The following CRY1 variants were observed in gnomAD, a reference collection of about 807,000 sequenced individuals.
The protein encoded by CRY1 is cryptochrome-1.
A neutral mutation model predicts 76.0 loss-of-function variants in CRY1; 45 were observed. That is an observed-to-expected ratio of 0.59 (90% CI 0.47 to 0.76). The LOEUF is 0.76. Ranked by LOEUF, CRY1 falls within the 30% of genes least tolerant of loss-of-function variation. The pLI, the probability that CRY1 is intolerant of heterozygous loss-of-function variation, is 0.00. For synonymous variants in CRY1, 248 were observed against 244.0 expected (o/e 1.02, Z -0.15); for missense variants, 587 against 716.4 (o/e 0.82, Z 2.06).
chr12:107,048,642 G>C (rs1952877085), intron 1 of CRY1, among the ~76,000 whole-genome samples: 1 of 151,970 alleles, frequency 6.6e-6, no homozygotes, highest in African/African-American at 2.4e-5. Flanking sequence ...TTTGAATCTG[G>C]CTATTTCTTC....
intron 1 of CRY1, among the ~76,000 whole-genome samples, chr12:107,067,013 T>C (rs1953120499): frequency 6.6e-6 from 1 of 152,126 alleles, no homozygotes; most frequent in Non-Finnish European, 1.5e-5. Context: ...TCTCACTATG[T>C]TGCCCAGGCT....
chr12:107,036,414 T>G (rs935527474), intron 1 of CRY1, among the ~76,000 whole-genome samples: 1 of 152,150 alleles, frequency 6.6e-6, no homozygotes, highest in Non-Finnish European at 1.5e-5. Flanking sequence ...GTTCAATTCT[T>G]CATCATTTCT....
chr12:107,066,413 A>C (rs1953111708), intron 1 of CRY1, among the ~76,000 whole-genome samples: 1 of 152,088 alleles, frequency 6.6e-6, no homozygotes, highest in Admixed American at 6.6e-5. Flanking sequence ...AATGATTTAC[A>C]TAATGTTTAA....
Position 107,093,320 on chromosome 12 carries a change from G to A in CRY1, c.-359C>T, listed in dbSNP as rs941452212. ...CACGACGGCCCGAGCCGGCACGGAC[G>A]GCCCCAGGAGATTCGTCACGGAAAC... On this transcript the variant is annotated 5_prime_UTR_variant, in exon 1 of 13. Coordinates refer to ENST00000008527, the MANE Select transcript of CRY1 (RefSeq NM_004075.5). The A allele has an allele frequency of 9.2e-6, 2 of 217,064 alleles. No individual in the cohort carries two copies. Among genetic ancestry groups the A allele is most frequent in the South Asian group, 1.4e-4 (1 of 7,024 alleles). The allele number at this position is 217,064 out of a possible 1,614,324, so 13.4% of individuals were successfully genotyped here. A position where few individuals can be genotyped will look rare whatever the true frequency, so the allele number is the denominator to read the frequency against.
At chr12:107,009,751 C>A (rs1952422522) in intron 2 of CRY1, among the ~76,000 whole-genome samples, 1 of 150,244 alleles carries the variant, frequency 6.7e-6, no homozygotes, top group African/African-American at 2.4e-5. Flanking sequence ...AGTGTCTTTA[C>A]AAAAAAAACT....
Position 107,066,003 on chromosome 12 carries a change from T to C in CRY1, c.158+26801A>G, listed in dbSNP as rs1313806148. ...GGTTGACAAGCACAGTCTATGACTA[T>C]GTTGCTAAATAAGTCTAATTCAAAA... On this transcript the variant is annotated intron_variant, in intron 1 of 12. Coordinates refer to ENST00000008527, the MANE Select transcript of CRY1 (RefSeq NM_004075.5). 4.6e-5 allele frequency among the ~76,000 whole-genome samples: 7 copies of C among 152,326 alleles called. No homozygotes were observed. In the East Asian group the frequency reaches 1.3e-3, roughly 29 times the overall value.
chr12:107,069,604 A>G (rs1393231879), intron 1 of CRY1, among the ~76,000 whole-genome samples: 2 of 40,324 alleles, frequency 5.0e-5, no homozygotes, highest in Non-Finnish European at 1.6e-4. Flanking sequence ...TATATAAAGT[A>G]TATATATAAA....
chr12:107,052,047 G>C (rs1035224027), intron 1 of CRY1, among the ~76,000 whole-genome samples: 1 of 152,040 alleles, frequency 6.6e-6, no homozygotes, highest in African/African-American at 2.4e-5. Context: ...TGATTTTTCT[G>C]ACCTATGATA....
intron 12 of CRY1, 83 bp downstream of exon 12, chr12:106,992,704 A>C (rs1952191623): frequency 5.8e-6 from 7 of 1,198,414 alleles, no homozygotes; most frequent in Non-Finnish European, 8.3e-6. Context: ...GAAAATAGAG[A>C]TTTGCTCCAT....
Position 107,022,160 on chromosome 12 carries a change from G to T in CRY1, c.191C>A (p.Ala64Asp), listed in dbSNP as rs1336535617. The T allele has an allele frequency of 6.2e-7, 1 of 1,601,432 alleles. No homozygotes were observed. Among genetic ancestry groups the T allele is most frequent in the Non-Finnish European group, 8.5e-7 (1 of 1,173,518 alleles). The change falls in exon 2 of 13, where the codon GCC becomes GAC. Residue 64 changes from alanine to aspartate, a missense_variant. Coordinates refer to ENST00000008527, the MANE Select transcript of CRY1 (RefSeq NM_004075.5). ...ACGGGAGTTTAATTTTCGTAGATTG[G>T]CATCAAGATCCTCAAGACACTGAAG... ...FLLQCLEDLD[A>D]NLRKLNSRLF...
intron 1 of CRY1, among the ~76,000 whole-genome samples, chr12:107,091,578 A>G (rs1489371539): frequency 1.3e-5 from 2 of 152,198 alleles, no homozygotes; most frequent in African/African-American, 4.8e-5. Context: ...CTTATGTCAG[A>G]TCACATTACT....
intron 1 of CRY1, among the ~76,000 whole-genome samples, chr12:107,071,076 C>A (rs1056867271): frequency 8.6e-5 from 13 of 151,972 alleles, no homozygotes; most frequent in Non-Finnish European, 1.8e-4. Flanking sequence ...TAATATTGTC[C>A]TAAAAACAGC....
chr12:107,093,207 G>A lies in CRY1; in HGVS notation c.-246C>T. 2 of 438,472 alleles carry A rather than the reference G, an allele frequency of 4.6e-6. No individual in the cohort carries two copies. The highest frequency in any genetic ancestry group is 7.9e-6 in the Non-Finnish European group (2 of 251,798). The allele number at this position is 438,472 out of a possible 1,614,324, so 27.2% of individuals were successfully genotyped here. ...CGGGTGTGACGCCCTTTAGGAGCCCGCGCCCGCCGCAACCGCCTGGAGGCG... is the reference window on the plus strand; with the variant it reads ...CGGGTGTGACGCCCTTTAGGAGCCCACGCCCGCCGCAACCGCCTGGAGGCG... On this transcript the variant is annotated 5_prime_UTR_variant, in exon 1 of 13. Coordinates refer to ENST00000008527, the MANE Select transcript of CRY1 (RefSeq NM_004075.5).
intron 1 of CRY1, among the ~76,000 whole-genome samples, chr12:107,069,724 T>G (rs1254151445): frequency 6.9e-6 from 1 of 145,552 alleles, no homozygotes; most frequent in Admixed American, 7.0e-5. Flanking sequence ...ATATAAAGTA[T>G]ATATGTAATA....
At chr12:107,079,206 C>T (rs988288306) in intron 1 of CRY1, among the ~76,000 whole-genome samples, 3 of 152,146 alleles carry the variant, frequency 2.0e-5, no homozygotes, top group Non-Finnish European at 2.9e-5. Context: ...TCAGCTAAGA[C>T]AATCATAAAC....
intron 1 of CRY1, among the ~76,000 whole-genome samples, chr12:107,028,929 T>C (rs373097867): frequency 1.3e-5 from 2 of 152,216 alleles, no homozygotes; most frequent in Admixed American, 6.5e-5. Context: ...TCAGTGTATA[T>C]TAAAATTGTG....
At chr12:106,996,920 A>G (rs1952238666) in intron 10 of CRY1, among the ~76,000 whole-genome samples, 1 of 152,228 alleles carries the variant, frequency 6.6e-6, no homozygotes, top group Non-Finnish European at 1.5e-5. Context: ...TCTTTTGGCC[A>G]TGTTCACAGG....
intron 1 of CRY1, among the ~76,000 whole-genome samples, chr12:107,046,991 A>C (rs1337753205): frequency 6.6e-6 from 1 of 152,138 alleles, no homozygotes; most frequent in Non-Finnish European, 1.5e-5. Flanking sequence ...ATCAACAAAG[A>C]AACACTGGAC....
rs1319515875 is a variant in CRY1 at position 106,997,659 on chromosome 12, C to T, written c.1321G>A (p.Ala441Thr). Residue 441 changes from alanine (A) to threonine (T), a missense_variant, in exon 9 of 13, where the codon GCA becomes ACA. Ala to Thr is a moderately conservative substitution (Grantham distance 58). Coordinates refer to ENST00000008527, the MANE Select transcript of CRY1 (RefSeq NM_004075.5). Reference protein sequence around the residue: ...RYLPVLRGFPAKYIYDPWNAP... With the variant: ...RYLPVLRGFPTKYIYDPWNAP... ...TTCCAGGGATCATAGATATATTTTG[C>T]AGGGAAGCCTCTTAGGACAGGCAAA... The T allele has an allele frequency of 1.9e-6, 3 of 1,614,028 alleles. No individual in the cohort carries two copies. In the South Asian group the frequency reaches 3.3e-5, roughly 18 times the overall value.
Sources: allele counts gnomAD v4.1 joint callset (sites outside exome capture counted in the v4.1 genomes callset), GRCh38; gene constraint gnomAD v4.1.1; transcripts MANE v1.5; gene names NCBI Gene and HGNC (gene_info 2026-07-23, HGNC 2026-07-21).